PIGV: variants seen among roughly 807,000 people sequenced by gnomAD.
PIGV encodes GPI alpha-1,6-mannosyltransferase 2.
In PIGV, 27 loss-of-function variants were observed where a neutral mutation model predicts 39.2. The observed-to-expected ratio is 0.69, with a 90% CI of 0.51 to 0.95. The LOEUF (loss-of-function observed/expected upper bound fraction) is 0.95, where lower values mean the gene tolerates loss of function less well. Ranked by LOEUF, PIGV falls within the 40% of genes least tolerant of loss-of-function variation. The pLI, the probability that PIGV is intolerant of heterozygous loss-of-function variation, is 0.00. For synonymous variants in PIGV, 232 were observed against 241.7 expected (o/e 0.96, Z 0.37); for missense variants, 523 against 586.4 (o/e 0.89, Z 1.12).
upstream of PIGV, chr1:26,787,561 G>C (rs573595854): frequency 6.6e-6 from 1 of 152,392 alleles, no homozygotes; most frequent in African/African-American, 2.4e-5. Context: ...TGTGTGTCAG[G>C]CCCTGTGCTG....
chr1:26,790,924 C>G, intron 2 of PIGV, 31 bp downstream of exon 2: 2 of 1,557,918 alleles, frequency 1.3e-6, no homozygotes, highest in Non-Finnish European at 1.8e-6. Context: ...CCTGAATGTG[C>G]TATTGCTACA....
chr1:26,795,308 C>T (rs2081367100), intron 3 of PIGV, 74 bp downstream of exon 3: 1 of 1,531,788 alleles, frequency 6.5e-7, no homozygotes, highest in South Asian at 1.1e-5. Context: ...GGGAAGGCAG[C>T]TAACATCTCC....
At chr1:26,790,623 G>C in intron 1 of PIGV, 136 bp from the exon 2 acceptor site, 1 of 616,620 alleles carries the variant, frequency 1.6e-6, no homozygotes, top group East Asian at 2.8e-5. Flanking sequence ...CTGTCAAGAT[G>C]CTTTCCCCTC....
Position 26,798,208 on chromosome 1 carries a change from A to G in PIGV, c.*364A>G, listed in dbSNP as rs546186879. On this transcript the variant is annotated 3_prime_UTR_variant, in exon 4 of 4. Coordinates refer to ENST00000674202, the MANE Select transcript of PIGV (RefSeq NM_017837.4). ...TTGAAGTGTAAATTTCATCAAAGGC[A>G]TTAGCTGACAGGCTGGTAACAGTCC... 1 of 334,196 alleles carries G rather than the reference A, an allele frequency of 3.0e-6. No individual in the cohort carries two copies. The highest frequency in any genetic ancestry group is 7.8e-5 in the East Asian group (1 of 12,886). 20.7% of individuals were successfully genotyped at this position (334,196 alleles called of 1,614,324 possible).
At chr1:26,792,222 G>C (rs1041714268) in intron 2 of PIGV, among the ~76,000 whole-genome samples, 3 of 151,802 alleles carry the variant, frequency 2.0e-5, no homozygotes, top group Non-Finnish European at 4.4e-5. Flanking sequence ...GCGCGATCTT[G>C]GCTCACTGTA....
chr1:26,798,169 TA>T lies in PIGV; in HGVS notation c.*328del, dbSNP rs1196867454. ...CCTACCATTGACCTGTGTGTAAATTTAAATGTCAATTTATTGAAGTGTAAAT... is the reference window on the plus strand; with the variant it reads ...CCTACCATTGACCTGTGTGTAAATTTAATGTCAATTTATTGAAGTGTAAAT... On this transcript the variant is annotated 3_prime_UTR_variant, in exon 4 of 4. Transcript: ENST00000674202. 2.7e-6 allele frequency: 1 copy of T among 371,742 alleles called. No homozygotes were observed. The highest frequency in any genetic ancestry group is 5.1e-6 in the Non-Finnish European group (1 of 196,954). The allele number at this position is 371,742 out of a possible 1,614,324, so 23.0% of individuals were successfully genotyped here.
chr1:26,796,080 G>A (rs574484098), intron 3 of PIGV, among the ~76,000 whole-genome samples: 45 of 151,430 alleles, frequency 3.0e-4, no homozygotes, highest in Non-Finnish European at 5.6e-4. Context: ...GGCTGGTCTC[G>A]AAATCCTGAC....
chr1:26,795,301 A>T, intron 3 of PIGV, 67 bp downstream of exon 3: 1 of 1,573,444 alleles, frequency 6.4e-7, no homozygotes, highest in Non-Finnish European at 8.7e-7. Context: ...AAGGACAGGG[A>T]AGGCAGCTAA....
Position 26,797,802 on chromosome 1 carries a change from C to T in PIGV, c.1440C>T (p.Leu480=), listed in dbSNP as rs776503205. Residue 480 remains leucine (L), a synonymous_variant, in exon 4 of 4, where the codon CTC becomes CTT. Transcript: ENST00000674202. ...YILGYFLTYW[L]LGLLLHCNFL... The stretch of plus-strand genomic sequence containing the variant: ...TAGGCTACTTCCTGACTTACTGGCT[C>T]CTGGGACTACTCCTACATTGCAACT... The T allele has an allele frequency of 6.2e-7, 1 of 1,614,098 alleles. No homozygotes were observed. Among genetic ancestry groups the T allele is most frequent in the South Asian group, 1.1e-5 (1 of 91,086 alleles).
chr1:26,794,540 CAGA>C lies in PIGV; in HGVS notation c.509_511del (p.Glu170del). 1 of 1,614,250 alleles carries C rather than the reference CAGA, an allele frequency of 6.2e-7. No homozygotes were observed. On this transcript the variant is annotated inframe_deletion, in exon 3 of 4. Transcript: ENST00000674202. ...AATGTCTTCCTGGCAGCTGGTTACT[CAGA>C]AGCTTTGTTTGCCCTCCTGACATTC...
rs530584073 is a variant in PIGV, at chr1:26,798,776, T to A, written c.*932T>A. On this transcript the variant is annotated 3_prime_UTR_variant, in exon 4 of 4. Transcript: ENST00000674202. Reference sequence around the variant, plus strand: ...AAAAAGTAAAATAATTTTAAAAAGTTAAAATAATATAAATCAGCTGGGGGA... The same window carrying A: ...AAAAAGTAAAATAATTTTAAAAAGTAAAAATAATATAAATCAGCTGGGGGA... Among the ~76,000 whole-genome samples, 4 of 150,602 alleles carry A rather than the reference T, an allele frequency of 2.7e-5. No individual in the cohort carries two copies. In the East Asian group the frequency reaches 5.8e-4, roughly 22 times the overall value.
At chr1:26,788,891 T>C (rs1013265237) in intron 1 of PIGV, 2 of 152,346 alleles carry the variant, frequency 1.3e-5, no homozygotes, top group South Asian at 4.1e-4. Context: ...GGCAATTAGC[T>C]GAGAGGGAGA....
chr1:26,794,081 A>C (rs745499928), intron 2 of PIGV, 32 bp from the exon 3 acceptor site: 27 of 1,608,040 alleles, frequency 1.7e-5, no homozygotes, highest in Non-Finnish European at 2.1e-5. Context: ...CCAGTTACTC[A>C]ACCAAAATTC....
chr1:26,799,963 C>T lies in PIGV; in HGVS notation c.*2119C>T, dbSNP rs759278007. On this transcript the variant is annotated 3_prime_UTR_variant, in exon 4 of 4. Coordinates refer to ENST00000674202, the MANE Select transcript of PIGV (RefSeq NM_017837.4). ...GCCGAGGTAGGAGCACTGGGTTCTT[C>T]GCTCTCCTCTTTGCCTCCTTTTGGG... Among the ~76,000 whole-genome samples the T allele has an allele frequency of 6.6e-6, 1 of 152,134 alleles. No individual in the cohort carries two copies. Among genetic ancestry groups the T allele is most frequent in the Non-Finnish European group, 1.5e-5 (1 of 68,012 alleles).
At chr1:26,792,420 C>T (rs1036155623) in intron 2 of PIGV, among the ~76,000 whole-genome samples, 12 of 151,720 alleles carry the variant, frequency 7.9e-5, no homozygotes, top group African/African-American at 1.9e-4. Context: ...CTCCGCTTCC[C>T]GGGTTCACGC....
At chr1:26,790,609 T>G in intron 1 of PIGV, 150 bp from the exon 2 acceptor site, 1 of 601,106 alleles carries the variant, frequency 1.7e-6, no homozygotes, top group Admixed American at 2.6e-5. Context: ...ACTGAACCCA[T>G]TTGCTGTCAA....
chr1:26,799,156 C>T lies in PIGV; in HGVS notation c.*1312C>T, dbSNP rs2081423548. On this transcript the variant is annotated 3_prime_UTR_variant, in exon 4 of 4. Transcript: ENST00000674202. Reference sequence around the variant, plus strand: ...AACTCTTGGGAGTAATTTAGGTGGTCTTTCCTTTCAATGAGGGAAAGCAGT... The same window carrying T: ...AACTCTTGGGAGTAATTTAGGTGGTTTTTCCTTTCAATGAGGGAAAGCAGT... 6.6e-6 allele frequency among the ~76,000 whole-genome samples: 1 copy of T among 152,182 alleles called. No homozygotes were observed. The highest frequency in any genetic ancestry group is 6.5e-5 in the Admixed American group (1 of 15,276).
intron 2 of PIGV, among the ~76,000 whole-genome samples, chr1:26,791,704 C>T (rs931775652): frequency 6.6e-6 from 1 of 152,188 alleles, no homozygotes; most frequent in African/African-American, 2.4e-5. Context: ...GCATGGCAGA[C>T]TCTGCTGGGT....
chr1:26,797,791 A>C lies in PIGV; in HGVS notation c.1429A>C (p.Thr477Pro). Residue 477 changes from threonine (T) to proline (P), a missense_variant, in exon 4 of 4, where the codon ACT becomes CCT. By Grantham distance (38) the Thr-to-Pro change is conservative (BLOSUM62 -1). Coordinates refer to ENST00000674202, the MANE Select transcript of PIGV (RefSeq NM_017837.4). ...ACGATACATTCTAGGCTACTTCCTG[A>C]CTTACTGGCTCCTGGGACTACTCCT... The part of the protein sequence containing the change: ...VTRYILGYFL[T>P]YWLLGLLLHC... 1 of 1,614,142 alleles carries C rather than the reference A, an allele frequency of 6.2e-7. No homozygotes were observed. The highest frequency in any genetic ancestry group is 8.5e-7 in the Non-Finnish European group (1 of 1,179,992).
Sources: gnomAD v4.1 joint callset for allele counts (sites outside exome capture counted in the v4.1 genomes callset) on GRCh38, gnomAD v4.1.1 for gene constraint, MANE v1.5 for transcripts, NCBI Gene and HGNC (gene_info 2026-07-23, HGNC 2026-07-21) for gene names.